Variants in C16orf96 observed in about 807,000 individuals in gnomAD.
C16orf96 encodes the protein chromosome 16 open reading frame 96, also known as uncharacterized protein C16orf96.
A neutral mutation model predicts 103.6 loss-of-function variants in C16orf96; 108 were observed. The observed-to-expected ratio is 1.04, with a 90% CI of 0.89 to 1.22. The LOEUF (loss-of-function observed/expected upper bound fraction) is 1.22, where lower values mean the gene tolerates loss of function less well. C16orf96 is among the 50% of genes most tolerant of loss of function. The pLI is 0.00. For synonymous variants in C16orf96, 566 were observed against 593.5 expected (o/e 0.95, Z 0.67); for missense variants, 1,586 against 1,464.2 (o/e 1.08, Z -1.36).
chr16:4,585,581 C>T (rs1035442778), intron 7 of C16orf96, among the ~76,000 whole-genome samples: 1 of 152,196 alleles, frequency 6.6e-6, no homozygotes, highest in Non-Finnish European at 1.5e-5. Flanking sequence ...AGAGCCCAGG[C>T]TTTGGAACAG....
chr16:4,583,578 A>C (rs1896843546), intron 7 of C16orf96, among the ~76,000 whole-genome samples: 1 of 152,176 alleles, frequency 6.6e-6, no homozygotes, highest in African/African-American at 2.4e-5. Context: ...CCAATAGTTA[A>C]AGAAGAAAAA....
chr16:4,555,275 C>CACACACACACACT (rs2059252123), upstream of C16orf96, among the ~76,000 whole-genome samples: 2 of 2,440 alleles, frequency 8.2e-4, no homozygotes, highest in African/African-American at 9.7e-4. Context: ...ACACTACACA[C>CACACACACACACT]ACACACACAC....
In C16orf96 at chr16:4,600,107, C is replaced by T. The variant is rs1897251920; in HGVS notation, c.3216C>T (p.Cys1072=). The change falls in exon 16 of 16, where the codon TGC becomes TGT. Residue 1072 remains cysteine (C), a synonymous_variant. Transcript: ENST00000444310. The part of the protein sequence containing the change: ...ALFGAICPPL[C]PRSSACSAAS... Reference sequence around the variant, plus strand: ...TCTCCTGCCCCTCCCCAGCCCTGTGCCCCCGCTCCAGTGCCTGCTCAGCTG... The same window carrying T: ...TCTCCTGCCCCTCCCCAGCCCTGTGTCCCCGCTCCAGTGCCTGCTCAGCTG... The T allele has an allele frequency of 1.9e-6, 3 of 1,551,248 alleles. No homozygotes were observed. The highest frequency in any genetic ancestry group is 2.0e-5 in the Admixed American group (1 of 50,998).
rs78142783 is a variant in C16orf96 at position 4,565,099 on chromosome 16, C to G, written c.421-6462C>G. ...TCTGAGGGGGTGTTTGCCTTAGCCC[C>G]TTTTTCAGGCCTCTTAAGGCCTTTG... On this transcript the variant is annotated intron_variant, in intron 1 of 15. Transcript: ENST00000444310. 5.6e-3 allele frequency among the ~76,000 whole-genome samples: 859 copies of G among 152,238 alleles called. 6 individuals carry two copies. Among genetic ancestry groups the G allele is most frequent in the African/African-American group, 0.017 (719 of 41,540 alleles).
intron 7 of C16orf96, among the ~76,000 whole-genome samples, chr16:4,583,420 C>G (rs1218658431): frequency 6.6e-6 from 1 of 151,588 alleles, no homozygotes; most frequent in Admixed American, 6.6e-5. Flanking sequence ...GCAGGAGAAT[C>G]ACTTGAACCC....
Position 4,600,235 on chromosome 16 carries a change from C to T in C16orf96, c.3344C>T (p.Pro1115Leu). 3 of 1,551,590 alleles carry T rather than the reference C, an allele frequency of 1.9e-6. No homozygotes were observed. The highest frequency in any genetic ancestry group is 2.6e-6 in the Non-Finnish European group (3 of 1,146,956). The stretch of plus-strand genomic sequence containing the variant: ...TCCCTAAGGGACCCCCAGCAGGCCC[C>T]AGGGTCCACCAGGCTCTCAAGAGCT... ...IPSLRDPQQA[P>L]GSTRLSRAPH... Residue 1115 changes from proline to leucine, a missense_variant, in exon 16 of 16, where the codon CCA becomes CTA. By Grantham distance (98) the Pro-to-Leu change is moderately conservative. Coordinates refer to ENST00000444310, the MANE Select transcript of C16orf96 (RefSeq NM_001145011.2).
At chr16:4,547,351 G>C in the C16orf96 span, among the ~76,000 whole-genome samples, 1 of 152,190 alleles carries the variant, frequency 6.6e-6, no homozygotes, top group Non-Finnish European at 1.5e-5. Context: ...TGGCTAGGCT[G>C]ATCTTGAACT....
At chr16:4,568,962 C>T (rs2059409559) in intron 1 of C16orf96, among the ~76,000 whole-genome samples, 2 of 151,606 alleles carry the variant, frequency 1.3e-5, no homozygotes, top group South Asian at 4.2e-4. Context: ...TTTGTTTTTT[C>T]GAGATGGAGT....
Position 4,571,528 on chromosome 16 carries a change from C to T in C16orf96, c.421-33C>T, listed in dbSNP as rs550610802. On this transcript the variant is annotated intron_variant, in intron 1 of 15. Transcript: ENST00000444310. ...TCACTTACCTTCTCCCCCAGCCATA[C>T]CCGGCTTCACATTTTCTCCTCCTCT... 6 of 1,532,460 alleles carry T rather than the reference C, an allele frequency of 3.9e-6. No homozygotes were observed. In the African/African-American group the frequency reaches 4.1e-5, roughly 11 times the overall value. 94.9% of individuals were successfully genotyped at this position (1,532,460 alleles called of 1,614,324 possible).
intron 8 of C16orf96, among the ~76,000 whole-genome samples, chr16:4,587,405 G>A (rs1896952083): frequency 6.6e-6 from 1 of 151,968 alleles, no homozygotes; most frequent in African/African-American, 2.4e-5. Context: ...GCAGGTAACT[G>A]TAATCTCAGC....
chr16:4,556,852 G>A lies in C16orf96; in HGVS notation c.363G>A (p.Leu121=), dbSNP rs1250467593. Reference sequence around the variant, plus strand: ...GCACTGCCCGGCCCGTCCAGGACCTGTGGCATCTGATCAAGCTCCGGAAGA... The same window carrying A: ...GCACTGCCCGGCCCGTCCAGGACCTATGGCATCTGATCAAGCTCCGGAAGA... ...SQGTARPVQD[L]WHLIKLRKMV... is the part of the protein sequence containing the mutation. Residue 121 remains leucine, a synonymous_variant, in exon 1 of 16, where the codon CTG becomes CTA. Coordinates refer to ENST00000444310, the MANE Select transcript of C16orf96 (RefSeq NM_001145011.2). 1.3e-6 allele frequency: 2 copies of A among 1,551,340 alleles called. No homozygotes were observed. Among genetic ancestry groups the A allele is most frequent in the Non-Finnish European group, 1.7e-6 (2 of 1,146,752 alleles).
intron 7 of C16orf96, among the ~76,000 whole-genome samples, chr16:4,582,749 T>C (rs1896821202): frequency 6.6e-6 from 1 of 152,102 alleles, no homozygotes; most frequent in African/African-American, 2.4e-5. Flanking sequence ...ATTCAGCATG[T>C]CCATCGTGCA....
upstream of C16orf96, among the ~76,000 whole-genome samples, chr16:4,551,653 C>A (rs1227878126): frequency 5.3e-4 from 1 of 1,882 alleles, no homozygotes; most frequent in African/African-American, 3.3e-3. Flanking sequence ...TGGGGTTTCA[C>A]CATGTTAGCC....
At position 4,594,615 on chromosome 16, in the gene C16orf96, A is replaced by G. The variant is rs1897131331; in HGVS notation, c.3028-89A>G. ...AGTGGGCAACCCCAGCAGAGGCTGCACTCTGTCTCCTGGGCTTCTGCGTGT... is the reference window on the plus strand; with the variant it reads ...AGTGGGCAACCCCAGCAGAGGCTGCGCTCTGTCTCCTGGGCTTCTGCGTGT... On this transcript the variant is annotated intron_variant, in intron 13 of 15. Transcript: ENST00000444310. 6.5e-6 allele frequency: 10 copies of G among 1,536,486 alleles called. No homozygotes were observed. The Admixed American group carries it at 1.8e-4, about 27-fold the overall frequency.
chr16:4,579,933 C>T (rs2141731010), intron 6 of C16orf96, 82 bp from the exon 7 acceptor site: 1 of 1,204,612 alleles, frequency 8.3e-7, no homozygotes, highest in Non-Finnish European at 1.2e-6. Context: ...TTCTTCTTGG[C>T]CTCAACCCTC....
intron 1 of C16orf96, among the ~76,000 whole-genome samples, chr16:4,558,415 A>G (rs377715184): frequency 1.0e-3 from 159 of 152,252 alleles, no homozygotes; most frequent in African/African-American, 3.8e-3. Flanking sequence ...GGAGTTCAAG[A>G]CCAGCCTTGG....
At position 4,575,676 on chromosome 16, in the gene C16orf96, G is replaced by C. The variant is rs2059495899; in HGVS notation, c.1196G>C (p.Trp399Ser). ...AGACGCTGGCCTCTTCCCCAAGGCT[G>C]GCCCAGGGTGGGCTCTTGGCCTCTG... ...LPRRWPLPQG[W>S]PRVGSWPLWD... Residue 399 changes from tryptophan to serine, a missense_variant, in exon 5 of 16, where the codon TGG becomes TCG. Physicochemically the swap from Trp to Ser is radical, Grantham distance 177 (BLOSUM62 -3). Transcript: ENST00000444310. 2 of 1,535,408 alleles carry C rather than the reference G, an allele frequency of 1.3e-6. No individual in the cohort carries two copies. Among genetic ancestry groups the C allele is most frequent in the Non-Finnish European group, 8.8e-7 (1 of 1,139,826 alleles).
chr16:4,553,337 G>A (rs2059238852), upstream of C16orf96, among the ~76,000 whole-genome samples: 2 of 152,118 alleles, frequency 1.3e-5, no homozygotes, highest in African/African-American at 4.8e-5. Context: ...TCTAACCATT[G>A]GCAAGAGTGG....
intron 6 of C16orf96, among the ~76,000 whole-genome samples, chr16:4,579,614 A>T (rs768384985): frequency 8.5e-6 from 1 of 117,626 alleles, no homozygotes; most frequent in African/African-American, 3.2e-5. Context: ...CTGATACCTT[A>T]TTTTTTTTTT....
Sources: gnomAD v4.1 joint callset for allele counts (sites outside exome capture counted in the v4.1 genomes callset) on GRCh38, gnomAD v4.1.1 for gene constraint, MANE v1.5 for transcripts, NCBI Gene and HGNC (gene_info 2026-07-23, HGNC 2026-07-21) for gene names.